PACSIN1: variants seen among roughly 807,000 people sequenced by gnomAD.
PACSIN1 encodes protein kinase C and casein kinase substrate in neurons 1.
PACSIN1 carries 15 observed loss-of-function variants against 59.5 expected under a neutral mutation model. That is an observed-to-expected ratio of 0.25 (90% CI 0.17 to 0.39). The LOEUF (loss-of-function observed/expected upper bound fraction) is 0.39. PACSIN1 is among the 10% of genes least tolerant of loss of function. The pLI, the probability that PACSIN1 is intolerant of heterozygous loss-of-function variation, is 1.00. For synonymous variants in PACSIN1, 210 were observed against 220.6 expected (o/e 0.95, Z 0.42); for missense variants, 420 against 580.2 (o/e 0.72, Z 2.84).
intron 1 of PACSIN1, among the ~76,000 whole-genome samples, chr6:34,481,430 C>A (rs796775619): frequency 3.9e-5 from 6 of 152,268 alleles, no homozygotes; most frequent in African/African-American, 1.4e-4. Context: ...CGCCTGTAAT[C>A]CCAGCACTTA....
intron 2 of PACSIN1, 85 bp downstream of exon 2, chr6:34,526,453 C>A: frequency 8.8e-7 from 1 of 1,130,568 alleles, no homozygotes; most frequent in Non-Finnish European, 1.3e-6. Flanking sequence ...ACCCCATGAC[C>A]TCAGGCCCCA....
intron 1 of PACSIN1, among the ~76,000 whole-genome samples, chr6:34,493,605 A>C (rs1025542223): frequency 6.6e-6 from 1 of 152,190 alleles, no homozygotes; most frequent in Non-Finnish European, 1.5e-5. Flanking sequence ...AGCCACCCTG[A>C]TGGTCCAGAC....
chr6:34,482,434 T>C (rs1766732643), intron 1 of PACSIN1, among the ~76,000 whole-genome samples: 1 of 152,214 alleles, frequency 6.6e-6, no homozygotes, highest in African/African-American at 2.4e-5. Flanking sequence ...TCCCCCTTTG[T>C]AGCAAGTAAC....
rs1049893938 is a variant in PACSIN1 at position 34,518,494 on chromosome 6, G to C, written c.-63-7749G>C. 6.6e-6 allele frequency among the ~76,000 whole-genome samples: 1 copy of C among 152,178 alleles called. No homozygotes were observed. The highest frequency in any genetic ancestry group is 1.5e-5 in the Non-Finnish European group (1 of 68,028). On this transcript the variant is annotated intron_variant, in intron 1 of 9. Transcript: ENST00000244458. The surrounding 1 kb of genome is among the most constrained non-coding windows in gnomAD (Gnocchi z 4.4). ...GTGGGCATCTCACTTTGGGCTCCCC[G>C]AGAAGCCAACCCCAAGACAAGGATA... is the stretch of plus-strand genomic sequence containing the variant.
Position 34,521,424 on chromosome 6 carries a change from C to T in PACSIN1, c.-63-4819C>T, listed in dbSNP as rs1348297162. Among the ~76,000 whole-genome samples the T allele has an allele frequency of 6.6e-6, 1 of 152,222 alleles. No individual in the cohort carries two copies. The highest frequency in any genetic ancestry group is 2.4e-5 in the African/African-American group (1 of 41,458). ...CCTCAAGCCAGGAGTAGATGGAACA[C>T]AGCTGAGGGCCCTGCCCTCCAGGGT... On this transcript the variant is annotated intron_variant, in intron 1 of 9. Transcript: ENST00000244458. The surrounding 1 kb of genome is among the most constrained non-coding windows in gnomAD (Gnocchi z 4.3).
chr6:34,526,127 G>A lies in PACSIN1; in HGVS notation c.-63-116G>A, dbSNP rs530864382. ...TGAGTTAGTCTCTGGACAGGAAGAT[G>A]GCATCCTAATGCAAGCCTCCCTGGG... On this transcript the variant is annotated intron_variant, in intron 1 of 9. Coordinates refer to ENST00000244458, the MANE Select transcript of PACSIN1 (RefSeq NM_020804.5). 7 of 590,230 alleles carry A rather than the reference G, an allele frequency of 1.2e-5. No individual in the cohort carries two copies. The South Asian group carries it at 1.2e-4, about 10-fold the overall frequency. The allele number at this position is 590,230 out of a possible 1,614,324, so 36.6% of individuals were successfully genotyped here. A position where few individuals can be genotyped will look rare whatever the true frequency, so the allele number is the denominator to read the frequency against.
In PACSIN1 at chr6:34,530,346, A is replaced by C; in HGVS notation, c.892A>C (p.Asn298His). The C allele has an allele frequency of 6.2e-7, 1 of 1,614,048 alleles. No individual in the cohort carries two copies. Among genetic ancestry groups the C allele is most frequent in the Non-Finnish European group, 8.5e-7 (1 of 1,179,952 alleles). The change falls in exon 7 of 10, where the codon AAC (asparagine) becomes CAC (histidine). Residue 298 changes from asparagine to histidine, a missense_variant. Physicochemically the swap from Asn to His is moderately conservative, Grantham distance 68 (BLOSUM62 1). Transcript: ENST00000244458. This position sits in a 1 kb window ranked among gnomAD's most constrained non-coding sequence, Gnocchi z 4.4. ...RSTSGPGMPM[N>H]WPQFEEWNPD... is the part of the protein sequence containing the mutation. ...CACCAGTGGCCCCGGCATGCCCATG[A>C]ACTGGCCCCAGTTTGAGGTGAGGAT...
chr6:34,481,609 G>T (rs541435963), intron 1 of PACSIN1, among the ~76,000 whole-genome samples: 4 of 151,874 alleles, frequency 2.6e-5, no homozygotes, highest in African/African-American at 7.2e-5. Flanking sequence ...GGTGGAGCTT[G>T]CAGTGAGCCG....
intron 1 of PACSIN1, among the ~76,000 whole-genome samples, chr6:34,487,426 C>T (rs908475393): frequency 2.6e-5 from 4 of 152,146 alleles, no homozygotes; most frequent in African/African-American, 9.7e-5. Flanking sequence ...GAGAGTCCCC[C>T]GTGCTCCGGT....
At chr6:34,477,329 TA>T (rs1200991179) in intron 1 of PACSIN1, among the ~76,000 whole-genome samples, 13 of 138,748 alleles carry the variant, frequency 9.4e-5, no homozygotes, top group Admixed American at 1.4e-4. Flanking sequence ...TGTCTCTATT[TA>T]AAAAAAAAAG....
chr6:34,486,168 G>C (rs1766790924), intron 1 of PACSIN1, among the ~76,000 whole-genome samples: 1 of 151,752 alleles, frequency 6.6e-6, no homozygotes, highest in African/African-American at 2.4e-5. Context: ...GGGGTGGAGG[G>C]ACAGGGGGCC....
chr6:34,476,136 G>A (rs1766635816), intron 1 of PACSIN1, among the ~76,000 whole-genome samples: 2 of 152,250 alleles, frequency 1.3e-5, no homozygotes, highest in South Asian at 2.1e-4. Context: ...GATCTGCCCA[G>A]TATTTAGCCG....
At position 34,529,093 on chromosome 6, in the gene PACSIN1, C is replaced by G. The variant is rs1272695971; in HGVS notation, c.456+216C>G. ...ACCCATGGGCAAAAAGGGGCACTGT[C>G]CCCAGGAAAGATACCAGCAGGGGCA... On this transcript the variant is annotated intron_variant, in intron 4 of 9. Coordinates refer to ENST00000244458, the MANE Select transcript of PACSIN1 (RefSeq NM_020804.5). This position sits in a 1 kb window ranked among gnomAD's most constrained non-coding sequence, Gnocchi z 6.3. 6.6e-6 allele frequency among the ~76,000 whole-genome samples: 1 copy of G among 152,102 alleles called. No homozygotes were observed. The highest frequency in any genetic ancestry group is 1.5e-5 in the Non-Finnish European group (1 of 68,014).
intron 2 of PACSIN1, 104 bp downstream of exon 2, chr6:34,526,472 T>C (rs1767483824): frequency 4.4e-6 from 4 of 918,844 alleles, no homozygotes; most frequent in Non-Finnish European, 5.1e-6. Context: ...CACTCCGCAG[T>C]CCCCCAGGCC....
At chr6:34,523,044 G>A (rs943612012) in intron 1 of PACSIN1, among the ~76,000 whole-genome samples, 2 of 152,212 alleles carry the variant, frequency 1.3e-5, no homozygotes, top group Non-Finnish European at 2.9e-5. Context: ...TGCTTCACCA[G>A]CTCTCCGGGT....
chr6:34,524,182 G>T (rs1320554997), intron 1 of PACSIN1, among the ~76,000 whole-genome samples: 3 of 152,154 alleles, frequency 2.0e-5, no homozygotes, highest in Non-Finnish European at 1.5e-5. Context: ...TCTGGACGAG[G>T]TAGAGAGTGG....
Position 34,530,428 on chromosome 6 carries a change from C to G in PACSIN1, c.910-32C>G. 6.3e-7 allele frequency: 1 copy of G among 1,597,944 alleles called. No homozygotes were observed. Among genetic ancestry groups the G allele is most frequent in the Non-Finnish European group, 8.6e-7 (1 of 1,169,394 alleles). ...CTGAAAGGTGCCTCAGGGCATAGTC[C>G]CCCAGCCTGACTGCTCCACTGGCCC... On this transcript the variant is annotated intron_variant, in intron 7 of 9. Coordinates refer to ENST00000244458, the MANE Select transcript of PACSIN1 (RefSeq NM_020804.5). The surrounding 1 kb of genome is among the most constrained non-coding windows in gnomAD (Gnocchi z 4.4).
intron 1 of PACSIN1, among the ~76,000 whole-genome samples, chr6:34,483,332 C>A (rs1230919393): frequency 6.6e-6 from 1 of 152,144 alleles, no homozygotes; most frequent in Non-Finnish European, 1.5e-5. Context: ...TAGAAGTCAA[C>A]CTAAGGTCCC....
chr6:34,469,849 G>A (rs894186763), intron 1 of PACSIN1, among the ~76,000 whole-genome samples: 1 of 152,252 alleles, frequency 6.6e-6, no homozygotes, highest in East Asian at 1.9e-4. Context: ...CCTGGCCTCA[G>A]CTGGCTCTGG....
Sources: gnomAD v4.1 joint callset for allele counts (sites outside exome capture counted in the v4.1 genomes callset) on GRCh38, gnomAD v4.1.1 for gene constraint, Gnocchi (gnomAD v3.1) non-coding constraint, MANE v1.5 for transcripts, NCBI Gene and HGNC (gene_info 2026-07-23, HGNC 2026-07-21) for gene names.